ANO4: variants seen among roughly 807,000 people sequenced by gnomAD.
ANO4 encodes anoctamin-4.
A neutral mutation model predicts 141.9 loss-of-function variants in ANO4; 69 were observed. The ratio of observed to expected loss-of-function variants is 0.49; its 90% CI spans 0.40 to 0.59. The LOEUF (loss-of-function observed/expected upper bound fraction) is 0.59, where lower values mean the gene tolerates loss of function less well. Ranked by LOEUF, ANO4 falls within the 20% of genes least tolerant of loss-of-function variation. The probability of loss-of-function intolerance (pLI) is 0.00; values close to 1 mark genes in which losing one functional copy is unlikely to be tolerated. For synonymous variants in ANO4, 350 were observed against 394.3 expected (o/e 0.89, Z 1.33); for missense variants, 894 against 1,162.2 (o/e 0.77, Z 3.36).
chr12:100,887,916 T>C (rs752044933), intron 1 of ANO4, among the ~76,000 whole-genome samples: 3 of 152,192 alleles, frequency 2.0e-5, no homozygotes, highest in Non-Finnish European at 4.4e-5. Context: ...ACGTTGTGCC[T>C]AAGTCCACAG....
chr12:100,856,004 G>A (rs2038145335), intron 1 of ANO4, among the ~76,000 whole-genome samples: 1 of 152,168 alleles, frequency 6.6e-6, no homozygotes, highest in Non-Finnish European at 1.5e-5. Context: ...GATAGAGGAA[G>A]GGGTGGAGTT....
At chr12:101,005,991 C>A (rs2045856171) in intron 8 of ANO4, among the ~76,000 whole-genome samples, 1 of 152,114 alleles carries the variant, frequency 6.6e-6, no homozygotes, top group Non-Finnish European at 1.5e-5. Flanking sequence ...GTTGTGTATA[C>A]CTAGCCAATA....
At chr12:100,842,938 A>T (rs1454753123) in intron 1 of ANO4, among the ~76,000 whole-genome samples, 1 of 152,054 alleles carries the variant, frequency 6.6e-6, no homozygotes, top group African/African-American at 2.4e-5. Flanking sequence ...GTATATTCTA[A>T]ATTTGTGTCT....
chr12:100,772,076 C>CT (rs2033323567), intron 3 of ANO4, among the ~76,000 whole-genome samples: 1 of 152,154 alleles, frequency 6.6e-6, no homozygotes, highest in African/African-American at 2.4e-5. Context: ...TATATCAGGG[C>CT]TAAGCAGGTA....
chr12:100,834,906 G>C (rs756663363), intron 1 of ANO4, among the ~76,000 whole-genome samples: 1 of 152,164 alleles, frequency 6.6e-6, no homozygotes, highest in Non-Finnish European at 1.5e-5. Flanking sequence ...AGGTGCATGT[G>C]TTCCCCTGGC....
chr12:100,878,341 C>T (rs1235862993), intron 1 of ANO4, among the ~76,000 whole-genome samples: 1 of 152,182 alleles, frequency 6.6e-6, no homozygotes, highest in Non-Finnish European at 1.5e-5. Context: ...AGTATATGCA[C>T]AATGTTGTGT....
At chr12:100,777,760 A>C (rs932381878) in intron 3 of ANO4, among the ~76,000 whole-genome samples, 2 of 151,956 alleles carry the variant, frequency 1.3e-5, no homozygotes, top group Non-Finnish European at 1.5e-5. Flanking sequence ...CTATTTTACA[A>C]CCTTTTACTC....
At chr12:101,009,769 G>A (rs1442135818) in intron 8 of ANO4, among the ~76,000 whole-genome samples, 2 of 152,038 alleles carry the variant, frequency 1.3e-5, no homozygotes, top group Non-Finnish European at 2.9e-5. Flanking sequence ...TTTCGGTTCA[G>A]AAAAATTTTC....
At position 100,735,123 on chromosome 12, in the gene ANO4, T is replaced by C. The variant is rs542436448; in HGVS notation, c.106+1266T>C. Reference sequence around the variant, plus strand: ...CCCCCTGTGAAATCAATGTTAATGCTCACTGATGTGAGGTTATTGAATCTT... The same window carrying C: ...CCCCCTGTGAAATCAATGTTAATGCCCACTGATGTGAGGTTATTGAATCTT... On this transcript the variant is annotated intron_variant, in intron 2 of 29. Coordinates refer to the ANO4 transcript ENST00000644049. 2.0e-3 allele frequency among the ~76,000 whole-genome samples: 309 copies of C among 152,296 alleles called. 1 individual carries two copies. The highest frequency in any genetic ancestry group is 7.1e-3 in the African/African-American group (296 of 41,564).
intron 9 of ANO4, among the ~76,000 whole-genome samples, chr12:101,021,065 C>A (rs1053056742): frequency 6.6e-6 from 1 of 152,164 alleles, no homozygotes; most frequent in African/African-American, 2.4e-5. Context: ...ATGTTAGGAG[C>A]AGCTACCACC....
chr12:100,848,601 A>G (rs1286601081), intron 1 of ANO4, among the ~76,000 whole-genome samples: 1 of 152,174 alleles, frequency 6.6e-6, no homozygotes, highest in Non-Finnish European at 1.5e-5. Flanking sequence ...TTTGGGCTAA[A>G]ATTCCAAACC....
chr12:100,852,295 G>C (rs1217766343), intron 1 of ANO4: 2 of 152,172 alleles, frequency 1.3e-5, no homozygotes, highest in African/African-American at 4.8e-5. Flanking sequence ...CAGTTCAGTT[G>C]TGTTCAGATG....
chr12:101,092,308 G>A lies in ANO4; in HGVS notation c.1702-1948G>A, dbSNP rs181516918. On this transcript the variant is annotated intron_variant, in intron 17 of 27. Transcript: ENST00000392977. ...TATTGATCAGCCTGGCAAGATAAAA[G>A]TAGAAGTACACACAGCTTCCTTTTG... Among the ~76,000 whole-genome samples the A allele has an allele frequency of 9.3e-4, 141 of 151,928 alleles. 1 individual carries two copies. The highest frequency in any genetic ancestry group is 3.3e-3 in the African/African-American group (138 of 41,452).
chr12:100,733,924 G>A, intron 2 of ANO4: 1 of 654,578 alleles, frequency 1.5e-6, no homozygotes, highest in Non-Finnish European at 2.8e-6. Context: ...GGAGGTCAAG[G>A]GGGTGGCTGG....
intron 8 of ANO4, among the ~76,000 whole-genome samples, chr12:101,008,816 G>A (rs1284984591): frequency 6.6e-6 from 1 of 152,040 alleles, no homozygotes; most frequent in East Asian, 1.9e-4. Flanking sequence ...TTACTCTGGA[G>A]CCTTCTGACA....
upstream of ANO4, among the ~76,000 whole-genome samples, chr12:100,791,788 AGCCCCAGGT>A (rs1260272737): frequency 1.3e-5 from 2 of 152,156 alleles, no homozygotes; most frequent in Non-Finnish European, 2.9e-5. Flanking sequence ...AGCCTCCCTG[AGCCCCAGGT>A]GCCCCAGTGT....
intron 3 of ANO4, among the ~76,000 whole-genome samples, chr12:100,935,841 G>C (rs2042264685): frequency 6.6e-6 from 1 of 151,912 alleles, no homozygotes; most frequent in African/African-American, 2.4e-5. Flanking sequence ...GAGAATCAAT[G>C]TAAGTTTGAA....
intron 5 of ANO4, among the ~76,000 whole-genome samples, chr12:100,961,807 AG>A (rs1450138294): frequency 1.3e-5 from 2 of 152,334 alleles, no homozygotes; most frequent in African/African-American, 4.8e-5. Flanking sequence ...TAATGGCCCC[AG>A]TTGCCTACTG....
intron 14 of ANO4, among the ~76,000 whole-genome samples, chr12:101,078,343 ATG>A (rs10601650): frequency 0.54 from 81,282 of 150,212 alleles, 22,499 homozygotes; most frequent in East Asian, 0.67. Context: ...GTCTGTATGC[ATG>A]TGTGTGTGTG....
Sources: gnomAD v4.1 joint callset for allele counts (sites outside exome capture counted in the v4.1 genomes callset) on GRCh38, gnomAD v4.1.1 for gene constraint, MANE v1.5 for transcripts, NCBI Gene and HGNC (gene_info 2026-07-23, HGNC 2026-07-21) for gene names.